The following UNC5D variants were observed in gnomAD, a reference collection of about 807,000 sequenced individuals.
UNC5D encodes unc-5 netrin receptor D, also known as netrin receptor UNC5D.
Under a neutral mutation model 105.4 loss-of-function variants are expected in UNC5D, and 39 were observed. The observed-to-expected ratio is 0.37, with a 90% confidence interval of 0.29 to 0.48. The LOEUF is 0.48. Among genes scored for constraint, UNC5D ranks in the 20% least tolerant of loss-of-function variants. The probability of loss-of-function intolerance (pLI) is 0.98; values close to 1 mark genes in which losing one functional copy is unlikely to be tolerated. For missense variants in UNC5D, 991 were observed against 1,202.4 expected, an observed-to-expected ratio of 0.82 and a Z score of 2.60; for synonymous variants, 452 against 450.4, an observed-to-expected ratio of 1.00 and a Z score of -0.04.
intron 7 of UNC5D, among the ~76,000 whole-genome samples, chr8:35,692,165 T>A (rs1826451603): frequency 6.6e-6 from 1 of 152,096 alleles, no homozygotes; most frequent in Admixed American, 6.6e-5. Flanking sequence ...AAAGTTTGAG[T>A]TGATGGTTAG....
At chr8:35,601,452 G>T (rs531054624) in intron 4 of UNC5D, among the ~76,000 whole-genome samples, 1 of 152,118 alleles carries the variant, frequency 6.6e-6, no homozygotes, top group Admixed American at 6.5e-5. Flanking sequence ...TCTTCCATTT[G>T]TTTGTATCCT....
intron 1 of UNC5D, among the ~76,000 whole-genome samples, chr8:35,456,707 C>A (rs1808520334): frequency 6.6e-6 from 1 of 152,164 alleles, no homozygotes; most frequent in Non-Finnish European, 1.5e-5. Flanking sequence ...ATGTAATTGA[C>A]CTCATCTGTC....
At chr8:35,484,646 C>T (rs1479298977) in intron 1 of UNC5D, among the ~76,000 whole-genome samples, 3 of 151,956 alleles carry the variant, frequency 2.0e-5, no homozygotes, top group South Asian at 4.2e-4. Context: ...TTTCACAGAC[C>T]GAGACATAGC....
At chr8:35,670,951 G>A (rs1341321340) in intron 4 of UNC5D, among the ~76,000 whole-genome samples, 1 of 150,914 alleles carries the variant, frequency 6.6e-6, no homozygotes, top group African/African-American at 2.4e-5. Context: ...TAAAAACATA[G>A]TTAACGATGT....
chr8:35,680,028 T>C (rs1332672937), intron 4 of UNC5D, among the ~76,000 whole-genome samples: 2 of 152,182 alleles, frequency 1.3e-5, no homozygotes, highest in African/African-American at 4.8e-5. Flanking sequence ...GCCACCAGTT[T>C]CCCTTCTATG....
chr8:35,426,334 G>T (rs1388143178), intron 1 of UNC5D, among the ~76,000 whole-genome samples: 1 of 152,174 alleles, frequency 6.6e-6, no homozygotes, highest in Middle Eastern at 3.4e-3. Flanking sequence ...AACATAATTT[G>T]ATCAGTGCAG....
At chr8:35,636,438 C>T (rs189464102) in intron 4 of UNC5D, among the ~76,000 whole-genome samples, 3 of 152,300 alleles carry the variant, frequency 2.0e-5, no homozygotes, top group Non-Finnish European at 4.4e-5. Context: ...GAGCTGTACC[C>T]ACTGGGTGCC....
chr8:35,428,346 ATTTT>A (rs35131097), intron 1 of UNC5D, among the ~76,000 whole-genome samples: 4 of 92,808 alleles, frequency 4.3e-5, no homozygotes, highest in African/African-American at 4.5e-5. Context: ...ATGCCTGGCT[ATTTT>A]TTTTTTTTTT....
intron 1 of UNC5D, among the ~76,000 whole-genome samples, chr8:35,276,666 C>G (rs1427131710): frequency 1.3e-5 from 2 of 152,122 alleles, no homozygotes; most frequent in Non-Finnish European, 2.9e-5. Flanking sequence ...AAGAAGAAAT[C>G]AGGGGAATTT....
At chr8:35,374,988 A>G (rs1802618029) in intron 1 of UNC5D, among the ~76,000 whole-genome samples, 1 of 152,156 alleles carries the variant, frequency 6.6e-6, no homozygotes, top group African/African-American at 2.4e-5. Flanking sequence ...AACATTTTCT[A>G]TATTATTCAT....
chr8:35,715,315 A>T (rs1039426291), intron 8 of UNC5D, among the ~76,000 whole-genome samples: 4 of 151,582 alleles, frequency 2.6e-5, no homozygotes, highest in Non-Finnish European at 4.4e-5. Context: ...ACAGTTACAT[A>T]TTTTTTTTTC....
chr8:35,643,161 T>C (rs142358033), intron 4 of UNC5D, among the ~76,000 whole-genome samples: 149 of 152,260 alleles, frequency 9.8e-4, no homozygotes, highest in African/African-American at 3.2e-3. Flanking sequence ...GCATGGTAGA[T>C]GTTTAGTGGG....
intron 15 of UNC5D, among the ~76,000 whole-genome samples, chr8:35,768,807 G>C (rs932860266): frequency 3.3e-5 from 5 of 152,150 alleles, no homozygotes; most frequent in Non-Finnish European, 7.4e-5. Flanking sequence ...CCTTGCAGAA[G>C]ATAACATCAT....
chr8:35,282,819 A>C (rs1806289727), intron 1 of UNC5D, among the ~76,000 whole-genome samples: 1 of 152,034 alleles, frequency 6.6e-6, no homozygotes, highest in East Asian at 1.9e-4. Context: ...AGCTACTTCA[A>C]ATAGTACTAA....
At chr8:35,317,345 T>C (rs1245329778) in intron 1 of UNC5D, among the ~76,000 whole-genome samples, 1 of 152,132 alleles carries the variant, frequency 6.6e-6, no homozygotes, top group Non-Finnish European at 1.5e-5. Flanking sequence ...TGTAAATGTT[T>C]GAAAGAAGGT....
intron 1 of UNC5D, among the ~76,000 whole-genome samples, chr8:35,460,010 C>CAA (rs1316909046): frequency 2.0e-5 from 3 of 152,146 alleles, no homozygotes; most frequent in Admixed American, 2.0e-4. Context: ...GTGACTAGAG[C>CAA]AATTAGTGAG....
intron 1 of UNC5D, among the ~76,000 whole-genome samples, chr8:35,380,160 A>AGAGACAGAGACC (rs1456327329): frequency 4.2e-5 from 6 of 142,484 alleles, no homozygotes. Context: ...ACCGAGAGGG[A>AGAGACAGAGACC]GAGACAGAGA....
At chr8:35,346,472 A>G (rs2128906595) in intron 1 of UNC5D, among the ~76,000 whole-genome samples, 1 of 152,158 alleles carries the variant, frequency 6.6e-6, no homozygotes. Flanking sequence ...TATGTGAACT[A>G]TAGTTGGAAC....
chr8:35,499,198 T>G (rs1811814463), intron 1 of UNC5D, among the ~76,000 whole-genome samples: 1 of 152,174 alleles, frequency 6.6e-6, no homozygotes, highest in Non-Finnish European at 1.5e-5. Flanking sequence ...AGGGCAAGAT[T>G]CAGTTTTATT....
Sources: allele counts gnomAD v4.1 joint callset (sites outside exome capture counted in the v4.1 genomes callset), GRCh38; gene constraint gnomAD v4.1.1; transcripts MANE v1.5; gene names NCBI Gene and HGNC (gene_info 2026-07-23, HGNC 2026-07-21).